Variants in ERBB4 observed in about 807,000 individuals in gnomAD.
ERBB4 encodes the protein receptor tyrosine-protein kinase erbB-4.
A neutral mutation model predicts 158.0 loss-of-function variants in ERBB4; 42 were observed. The observed-to-expected ratio is 0.27, with a 90% CI of 0.21 to 0.34. The LOEUF is 0.34. Among genes scored for constraint, ERBB4 ranks in the 10% least tolerant of loss-of-function variants. The pLI is 1.00. For synonymous variants in ERBB4, 583 were observed against 558.7 expected (o/e 1.04, Z -0.61); for missense variants, 1,333 against 1,624.1 (o/e 0.82, Z 3.08).
chr2:211,854,669 T>A (rs1050194362), intron 3 of ERBB4, among the ~76,000 whole-genome samples: 10 of 152,154 alleles, frequency 6.6e-5, no homozygotes, highest in African/African-American at 2.4e-4. Context: ...CAGTATTCCA[T>A]CCACTTTCAC....
chr2:211,600,715 A>C (rs1474397288), intron 19 of ERBB4, among the ~76,000 whole-genome samples: 2 of 152,204 alleles, frequency 1.3e-5, no homozygotes, highest in Non-Finnish European at 2.9e-5. Flanking sequence ...GACACCACAC[A>C]CAGTGGAAAA....
At chr2:212,142,739 T>C (rs185020232) in intron 1 of ERBB4, among the ~76,000 whole-genome samples, 19 of 151,748 alleles carry the variant, frequency 1.3e-4, no homozygotes, top group Non-Finnish European at 1.6e-4. Context: ...ATTTAGGCTA[T>C]GTTCACATGG....
At chr2:212,130,368 A>G (rs1312298412) in intron 1 of ERBB4, among the ~76,000 whole-genome samples, 1 of 152,142 alleles carries the variant, frequency 6.6e-6, no homozygotes, top group African/African-American at 2.4e-5. Context: ...TATACTTCCA[A>G]ACACAGGCTT....
rs992979220 is a variant in ERBB4, at chr2:212,154,600, G to A, written c.83-29697C>T. On this transcript the variant is annotated intron_variant, in intron 1 of 27. Transcript: ENST00000342788. ...AGTGTGGATTTACTCACTGCAAACC[G>A]TCCTTGATATGCCGCCTGTCTCTTC... 1.6e-4 allele frequency among the ~76,000 whole-genome samples: 25 copies of A among 152,108 alleles called. 1 individual carries two copies. The highest frequency in any genetic ancestry group is 3.5e-4 in the Non-Finnish European group (24 of 68,004).
chr2:212,512,601 T>C (rs1456520121), intron 1 of ERBB4, among the ~76,000 whole-genome samples: 1 of 152,176 alleles, frequency 6.6e-6, no homozygotes, highest in African/African-American at 2.4e-5. Context: ...AAGTGATTAT[T>C]CAATCTCTGC....
At chr2:211,568,020 T>C (rs903805003) in intron 19 of ERBB4, among the ~76,000 whole-genome samples, 2 of 152,136 alleles carry the variant, frequency 1.3e-5, no homozygotes, top group African/African-American at 4.8e-5. Context: ...TTGGAATCTT[T>C]GCTGCTGTCA....
intron 3 of ERBB4, among the ~76,000 whole-genome samples, chr2:211,854,427 C>T (rs573272922): frequency 1.2e-4 from 19 of 152,204 alleles, no homozygotes; most frequent in South Asian, 1.2e-3. Context: ...AGTCACCACC[C>T]TGTTCAAGAT....
rs2062521629 is a variant in ERBB4, at chr2:211,378,657, A to C, written c.*4958T>G. 4.3e-6 allele frequency: 1 copy of C among 232,398 alleles called. No individual in the cohort carries two copies. Among genetic ancestry groups the C allele is most frequent in the Non-Finnish European group, 8.5e-6 (1 of 117,202 alleles). The allele number at this position is 232,398 out of a possible 1,614,324, so 14.4% of individuals were successfully genotyped here. A position where few individuals can be genotyped will look rare whatever the true frequency, so the allele number is the denominator to read the frequency against. On this transcript the variant is annotated 3_prime_UTR_variant, in exon 28 of 28. Transcript: ENST00000342788. ...AAACTGGCCCCATTGTAATATCAGT[A>C]ATAATGAGGTCTCCACTGATAATGA...
intron 18 of ERBB4, among the ~76,000 whole-genome samples, chr2:211,620,510 A>G (rs1288635632): frequency 6.6e-6 from 1 of 152,214 alleles, no homozygotes; most frequent in Non-Finnish European, 1.5e-5. Context: ...TAGTAACAAT[A>G]ATAAAGAAAA....
intron 3 of ERBB4, among the ~76,000 whole-genome samples, chr2:211,890,763 C>G (rs1421865344): frequency 5.5e-5 from 7 of 126,254 alleles, no homozygotes; most frequent in Admixed American, 1.6e-4. Flanking sequence ...ATCCTAGTCT[C>G]TGATAAAACA....
intron 1 of ERBB4, among the ~76,000 whole-genome samples, chr2:212,292,435 C>G (rs1374457785): frequency 6.6e-6 from 1 of 151,920 alleles, no homozygotes; most frequent in African/African-American, 2.4e-5. Context: ...CCACTTCTAC[C>G]AATTTCCAGA....
At chr2:211,636,140 AAAAC>A (rs992188671) in intron 16 of ERBB4, among the ~76,000 whole-genome samples, 4 of 152,172 alleles carry the variant, frequency 2.6e-5, no homozygotes, top group African/African-American at 7.2e-5. Context: ...ATAAGAAGGA[AAAAC>A]AAACAAAGAC....
At chr2:212,081,632 C>A (rs1188826455) in intron 2 of ERBB4, among the ~76,000 whole-genome samples, 1 of 152,102 alleles carries the variant, frequency 6.6e-6, no homozygotes. Context: ...TAGGTTCTTC[C>A]AAAAGCCACA....
At position 212,338,808 on chromosome 2, in the gene ERBB4, T is replaced by C. The variant is rs139061197; in HGVS notation, c.82+199641A>G. ...ATTAAAGTACATTTAAATGGATGCT[T>C]CAAACATTCATATGGAGAAATTCAG... On this transcript the variant is annotated intron_variant, in intron 1 of 27. Coordinates refer to ENST00000342788, the MANE Select transcript of ERBB4 (RefSeq NM_005235.3). Among the ~76,000 whole-genome samples, 91 of 152,240 alleles carry C rather than the reference T, an allele frequency of 6.0e-4. 1 individual carries two copies. The highest frequency in any genetic ancestry group is 2.1e-3 in the African/African-American group (87 of 41,562).
intron 1 of ERBB4, among the ~76,000 whole-genome samples, chr2:212,278,699 T>G (rs1449566877): frequency 1.3e-5 from 2 of 151,658 alleles, no homozygotes; most frequent in East Asian, 3.9e-4. Flanking sequence ...GTAAGGCACA[T>G]TTGGTAGCTA....
chr2:211,740,926 T>C (rs73085041), intron 5 of ERBB4, among the ~76,000 whole-genome samples: 8,712 of 152,234 alleles, frequency 0.057, 661 homozygotes, highest in African/African-American at 0.18. Context: ...ATTATTTCTT[T>C]AACCAAATTG....
chr2:212,446,989 A>T (rs1026829151), intron 1 of ERBB4, among the ~76,000 whole-genome samples: 1 of 147,032 alleles, frequency 6.8e-6, no homozygotes, highest in African/African-American at 2.5e-5. Flanking sequence ...TTAATACCAA[A>T]TTTTTCTTTT....
At chr2:211,801,951 A>G (rs895634206) in intron 3 of ERBB4, among the ~76,000 whole-genome samples, 5 of 152,186 alleles carry the variant, frequency 3.3e-5, no homozygotes, top group African/African-American at 1.2e-4. Flanking sequence ...AGGAACACTA[A>G]TCAGATTAGC....
intron 20 of ERBB4, among the ~76,000 whole-genome samples, chr2:211,476,865 T>C (rs943984216): frequency 6.6e-6 from 1 of 152,062 alleles, no homozygotes; most frequent in African/African-American, 2.4e-5. Context: ...AAATTACACC[T>C]ATGGGAAACT....
Sources: allele counts gnomAD v4.1 joint callset (sites outside exome capture counted in the v4.1 genomes callset), GRCh38; gene constraint gnomAD v4.1.1; transcripts MANE v1.5; gene names NCBI Gene and HGNC (gene_info 2026-07-23, HGNC 2026-07-21).